Variants in RORA observed in about 807,000 individuals in gnomAD.
The protein encoded by RORA is RAR related orphan receptor A, also known as nuclear receptor ROR-alpha.
Under a neutral mutation model 69.5 loss-of-function variants are expected in RORA, and 7 were observed. That is an observed-to-expected ratio of 0.10 (90% CI 0.06 to 0.19). The LOEUF is 0.19. Among genes scored for constraint, RORA ranks in the 10% least tolerant of loss-of-function variants. The pLI is 1.00. For missense variants in RORA, 457 were observed against 663.0 expected, an observed-to-expected ratio of 0.69 and a Z score of 3.41; for synonymous variants, 261 against 240.8, an observed-to-expected ratio of 1.08 and a Z score of -0.78.
At chr15:60,676,040 A>G (rs2070548311) in intron 2 of RORA, among the ~76,000 whole-genome samples, 1 of 152,176 alleles carries the variant, frequency 6.6e-6, no homozygotes, top group Admixed American at 6.5e-5. Flanking sequence ...GAATTCATAC[A>G]CTTCACTGAT....
chr15:60,516,830 A>C (rs888191936), intron 3 of RORA, among the ~76,000 whole-genome samples: 1 of 152,232 alleles, frequency 6.6e-6, no homozygotes, highest in African/African-American at 2.4e-5. Flanking sequence ...GTCCAACATT[A>C]CTGAATTAAA....
At chr15:60,815,517 G>A (rs1595736155) in intron 1 of RORA, among the ~76,000 whole-genome samples, 3 of 152,192 alleles carry the variant, frequency 2.0e-5, no homozygotes, top group Admixed American at 2.0e-4. Flanking sequence ...TTTCACAGCC[G>A]AGGACTTGGC....
intron 1 of RORA, among the ~76,000 whole-genome samples, chr15:60,852,877 T>A (rs2073340721): frequency 6.6e-6 from 1 of 152,146 alleles, no homozygotes; most frequent in South Asian, 2.1e-4. Flanking sequence ...AGTGCCTGAT[T>A]CATCTCATGG....
At chr15:60,665,767 C>T (rs780977825) in intron 2 of RORA, among the ~76,000 whole-genome samples, 1 of 152,058 alleles carries the variant, frequency 6.6e-6, no homozygotes, top group Non-Finnish European at 1.5e-5. Flanking sequence ...CTCCATCTCC[C>T]GGGTTCAAGC....
At chr15:60,843,359 C>T (rs1567211075) in intron 1 of RORA, among the ~76,000 whole-genome samples, 2 of 152,250 alleles carry the variant, frequency 1.3e-5, no homozygotes, top group South Asian at 2.1e-4. Context: ...CCAGGTACCT[C>T]ATTTTACAGG....
rs2073029490 is a variant in RORA, at chr15:60,830,588, G to GTC, written c.167-151904_167-151903dup. On this transcript the variant is annotated intron_variant, in intron 1 of 10. Transcript: ENST00000335670. ...AAATTGTTCCCTGGCTTCTGTAACTGTCTTAGTGGCTGATGCAGATTGAAA... is the reference window on the plus strand; with the variant it reads ...AAATTGTTCCCTGGCTTCTGTAACTGTCTCTTAGTGGCTGATGCAGATTGAAA... Among the ~76,000 whole-genome samples the GTC allele has an allele frequency of 2.0e-5, 3 of 152,284 alleles. No individual in the cohort carries two copies. The South Asian group carries it at 6.2e-4, about 32-fold the overall frequency.
intron 1 of RORA, among the ~76,000 whole-genome samples, chr15:60,979,113 C>T (rs1893957938): frequency 6.6e-6 from 1 of 151,590 alleles, no homozygotes; most frequent in African/African-American, 2.4e-5. Flanking sequence ...AGGCACCCAC[C>T]ACCATGCCTG....
intron 1 of RORA, among the ~76,000 whole-genome samples, chr15:60,789,699 C>T (rs341453): frequency 0.94 from 143,527 of 152,294 alleles, 68,233 homozygotes; most frequent in East Asian, 1. Context: ...TTACAGAAAC[C>T]TATAACCATG....
intron 1 of RORA, among the ~76,000 whole-genome samples, chr15:61,168,771 G>A (rs761349097): frequency 2.6e-5 from 4 of 152,036 alleles, no homozygotes; most frequent in Non-Finnish European, 4.4e-5. Flanking sequence ...TCAAAACACC[G>A]AGATTCAGTC....
intron 2 of RORA, among the ~76,000 whole-genome samples, chr15:60,563,845 A>C (rs1367986924): frequency 6.6e-6 from 1 of 152,048 alleles, no homozygotes; most frequent in Non-Finnish European, 1.5e-5. Context: ...GCAAGTACAC[A>C]CACAGGTAGC....
intron 1 of RORA, among the ~76,000 whole-genome samples, chr15:60,750,022 T>C (rs575408292): frequency 1.3e-5 from 2 of 152,358 alleles, no homozygotes; most frequent in East Asian, 3.8e-4. Context: ...AGAGCAAGAC[T>C]CTGTCTTAAA....
chr15:60,511,670 A>G lies in RORA; in HGVS notation c.425-49T>C, dbSNP rs191752044. On this transcript the variant is annotated intron_variant, in intron 4 of 10. Transcript: ENST00000335670. This position sits in a 1 kb window ranked among gnomAD's most constrained non-coding sequence, Gnocchi z 6.4. The stretch of plus-strand genomic sequence containing the variant: ...ACTACATACAATGCGCTTTTCTTCA[A>G]TATTCTCTCCTGCGAGCTTTGGGGT... 4.5e-4 allele frequency: 691 copies of G among 1,530,920 alleles called. 7 individuals are homozygous for G. Among genetic ancestry groups the G allele is most frequent in the Non-Finnish European group, 5.3e-5 (61 of 1,140,934 alleles). 94.8% of individuals were successfully genotyped at this position (1,530,920 alleles called of 1,614,324 possible). A position where few individuals can be genotyped will look rare whatever the true frequency, so the allele number is the denominator to read the frequency against.
rs142156262 is a variant in RORA, at chr15:60,940,795, C to T, written c.167-262109G>A. Among the ~76,000 whole-genome samples the T allele has an allele frequency of 3.0e-4, 45 of 152,212 alleles. No homozygotes were observed. The East Asian group carries it at 6.4e-3, about 22-fold the overall frequency. ...CAAAAAAATTAGCCGGGCATGGTGG[C>T]GCGTGCCTGTAGTCCCAGCTACTCG... is the stretch of plus-strand genomic sequence containing the variant. On this transcript the variant is annotated intron_variant, in intron 1 of 10. Transcript: ENST00000335670.
chr15:60,516,919 G>A (rs1197164930), intron 3 of RORA, among the ~76,000 whole-genome samples: 4 of 151,748 alleles, frequency 2.6e-5, no homozygotes, highest in African/African-American at 9.7e-5. Context: ...TGATATAAAA[G>A]GTGATAAAAA....
At chr15:60,614,373 A>G (rs542190690) in intron 2 of RORA, among the ~76,000 whole-genome samples, 2 of 152,266 alleles carry the variant, frequency 1.3e-5, no homozygotes, top group East Asian at 3.9e-4. Context: ...TAGACCCTAA[A>G]TCGAAATAAA....
At chr15:60,822,307 C>A (rs1010662012) in intron 1 of RORA, among the ~76,000 whole-genome samples, 3 of 152,138 alleles carry the variant, frequency 2.0e-5, no homozygotes, top group African/African-American at 7.2e-5. Flanking sequence ...TCTACTTCAC[C>A]AGAGCAGAAC....
At chr15:60,718,631 A>G (rs2071251307) in intron 1 of RORA, among the ~76,000 whole-genome samples, 1 of 152,204 alleles carries the variant, frequency 6.6e-6, no homozygotes, top group Non-Finnish European at 1.5e-5. Context: ...GACTAACTAG[A>G]GCCAGAGTGG....
At chr15:61,054,844 G>C (rs899925940) in intron 1 of RORA, among the ~76,000 whole-genome samples, 3 of 141,348 alleles carry the variant, frequency 2.1e-5, no homozygotes, top group Non-Finnish European at 3.1e-5. Flanking sequence ...TTTTTTTGGT[G>C]GGGGAGCAGT....
intron 1 of RORA, among the ~76,000 whole-genome samples, chr15:61,225,749 A>G (rs1317108133): frequency 2.0e-5 from 3 of 152,226 alleles, no homozygotes; most frequent in Non-Finnish European, 4.4e-5. Flanking sequence ...AGATTCTGAA[A>G]AAGGGTTTTT....
Sources: gnomAD v4.1 joint callset for allele counts (sites outside exome capture counted in the v4.1 genomes callset) on GRCh38, gnomAD v4.1.1 for gene constraint, Gnocchi (gnomAD v3.1) non-coding constraint, MANE v1.5 for transcripts, NCBI Gene and HGNC (gene_info 2026-07-23, HGNC 2026-07-21) for gene names.